The following KDM3A variants were observed in gnomAD, a reference collection of about 807,000 sequenced individuals.
The protein encoded by KDM3A is lysine demethylase 3A, also known as lysine-specific demethylase 3A.
A neutral mutation model predicts 158.0 loss-of-function variants in KDM3A; 60 were observed. The observed-to-expected ratio is 0.38, with a 90% CI of 0.31 to 0.47. The LOEUF (loss-of-function observed/expected upper bound fraction) is 0.47, where lower values mean the gene tolerates loss of function less well. Among genes scored for constraint, KDM3A ranks in the 20% least tolerant of loss-of-function variants. The pLI, the probability that KDM3A is intolerant of heterozygous loss-of-function variation, is 0.99. For synonymous variants in KDM3A, 608 were observed against 549.3 expected (o/e 1.11, Z -1.49); for missense variants, 1,319 against 1,574.3 (o/e 0.84, Z 2.74).
At chr2:86,489,296 T>G (rs1674340332) in intron 21 of KDM3A, 22 bp from the exon 22 acceptor site, 4 of 1,609,082 alleles carry the variant, frequency 2.5e-6, no homozygotes, top group Non-Finnish European at 3.4e-6. Flanking sequence ...TTTGTAAAAC[T>G]TAAGGCACTT....
rs772698470 is a variant in KDM3A, at chr2:86,485,716, T to G, written c.3183-13T>G. On this transcript the variant is annotated splice_polypyrimidine_tract_variant and intron_variant, in intron 20 of 25. Coordinates refer to ENST00000312912, the MANE Select transcript of KDM3A (RefSeq NM_018433.6). ...CAATCTAACTTTGCAAATTCCTGGTTCTGTTGTTCTAGGTTTGATGATCTG... is the reference window on the plus strand; with the variant it reads ...CAATCTAACTTTGCAAATTCCTGGTGCTGTTGTTCTAGGTTTGATGATCTG... 3 of 1,611,532 alleles carry G rather than the reference T, an allele frequency of 1.9e-6. No homozygotes were observed. Among genetic ancestry groups the G allele is most frequent in the Admixed American group, 3.3e-5 (2 of 59,924 alleles).
chr2:86,441,915 TCCTCG>T (rs1322824537), intron 1 of KDM3A, 98 bp from the exon 2 acceptor site: 1 of 888,294 alleles, frequency 1.1e-6, no homozygotes, highest in African/African-American at 1.8e-5. Flanking sequence ...CGGGGCCGCG[TCCTCG>T]CGCGGGTTCG....
At chr2:86,438,537 A>G (rs1004565926), upstream of KDM3A, among the ~76,000 whole-genome samples, 3 of 152,070 alleles carry the variant, frequency 2.0e-5, no homozygotes, top group African/African-American at 7.2e-5. Flanking sequence ...GAGGGAATGC[A>G]TATGTAAAAT....
chr2:86,480,435 G>C, intron 16 of KDM3A, 73 bp downstream of exon 16: 1 of 1,302,494 alleles, frequency 7.7e-7, no homozygotes, highest in Non-Finnish European at 1.1e-6. Flanking sequence ...AGAGAACAGT[G>C]GTTAGAAGTC....
chr2:86,453,177 G>A (rs536338665), intron 4 of KDM3A, among the ~76,000 whole-genome samples: 1 of 152,268 alleles, frequency 6.6e-6, no homozygotes, highest in South Asian at 2.1e-4. Context: ...GGGAAGAGGG[G>A]CTGTGGGGCT....
chr2:86,474,678 A>AAG, intron 11 of KDM3A, 98 bp from the exon 12 acceptor site: 1 of 704,754 alleles, frequency 1.4e-6, no homozygotes, highest in Non-Finnish European at 2.2e-6. Context: ...AAAAAAAAAA[A>AAG]GTAATTACAA....
intron 10 of KDM3A, among the ~76,000 whole-genome samples, chr2:86,469,224 T>G (rs1673291945): frequency 6.6e-6 from 1 of 152,106 alleles, no homozygotes; most frequent in Non-Finnish European, 1.5e-5. Context: ...GATGTTTACT[T>G]TATTTAAAAC....
chr2:86,454,900 C>T (rs1388410189), intron 4 of KDM3A, among the ~76,000 whole-genome samples, 185 bp from the exon 5 acceptor site: 2 of 152,154 alleles, frequency 1.3e-5, no homozygotes, highest in Non-Finnish European at 2.9e-5. Flanking sequence ...TAGCTGTGAT[C>T]ATTTGATGGT....
intron 17 of KDM3A, among the ~76,000 whole-genome samples, 155 bp from the exon 18 acceptor site, chr2:86,482,301 CTA>C (rs1476203556): frequency 6.6e-6 from 1 of 152,132 alleles, no homozygotes; most frequent in Non-Finnish European, 1.5e-5. Context: ...TACCTCACTT[CTA>C]TGAGTTGTCA....
At chr2:86,453,532 T>C (rs545487199) in intron 4 of KDM3A, among the ~76,000 whole-genome samples, 4 of 152,330 alleles carry the variant, frequency 2.6e-5, no homozygotes, top group South Asian at 2.1e-4. Flanking sequence ...TCTTGCACTT[T>C]CGTTAAGCCC....
chr2:86,490,697 G>A lies in KDM3A; in HGVS notation c.3574-184G>A, dbSNP rs981937869. The A allele has an allele frequency of 7.3e-5, 38 of 519,452 alleles. No homozygotes were observed. In the East Asian group the frequency reaches 9.8e-4, roughly 13 times the overall value. The allele number at this position is 519,452 out of a possible 1,614,324, so 32.2% of individuals were successfully genotyped here. ...TGGGAACTGACATCACATTTTCTTCGTCATTCTTCTGTTGGTTCATTCAGC... is the reference window on the plus strand; with the variant it reads ...TGGGAACTGACATCACATTTTCTTCATCATTCTTCTGTTGGTTCATTCAGC... On this transcript the variant is annotated intron_variant, in intron 23 of 25. Transcript: ENST00000312912.
intron 23 of KDM3A, chr2:86,489,943 C>T (rs1033780848): frequency 6.6e-5 from 19 of 289,974 alleles, no homozygotes; most frequent in Non-Finnish European, 1.1e-4. Flanking sequence ...GAAGTTAGTT[C>T]ATCTGATCAT....
In KDM3A at chr2:86,455,116, A is replaced by G. The variant is rs776807992; in HGVS notation, c.485A>G (p.Asp162Gly). 13 of 1,600,964 alleles carry G rather than the reference A, an allele frequency of 8.1e-6. No individual in the cohort carries two copies. In the East Asian group the frequency reaches 1.3e-4, roughly 17 times the overall value. ...DVNSLRLSLT[D>G]NQIVSKEFQA... Reference sequence around the variant, plus strand: ...AACAGTCTTCGACTTTCTCTTACGGATAATCAGATTGTCAGTAAAGAATTT... The same window carrying G: ...AACAGTCTTCGACTTTCTCTTACGGGTAATCAGATTGTCAGTAAAGAATTT... Residue 162 changes from aspartate to glycine, a missense_variant, in exon 5 of 26, where the codon GAT (aspartate) becomes GGT (glycine). Transcript: ENST00000312912.
At chr2:86,452,205 T>TC (rs1672500713) in intron 4 of KDM3A, among the ~76,000 whole-genome samples, 1 of 151,878 alleles carries the variant, frequency 6.6e-6, no homozygotes, top group South Asian at 2.1e-4. Context: ...CTTTTTTTTT[T>TC]TTTTTGGTGA....
chr2:86,442,219 A>C lies in KDM3A; in HGVS notation c.172A>C (p.Lys58Gln). 6.2e-7 allele frequency: 1 copy of C among 1,610,382 alleles called. No homozygotes were observed. Among genetic ancestry groups the C allele is most frequent in the East Asian group, 2.3e-5 (1 of 44,372 alleles). ...AGCTGTTTCCCACACCGACGTTACC[A>C]AGAAGGATCTGAAGGTACAGGCGGC... Reference protein sequence around the residue: ...IRAVSHTDVTKKDLKVCVEFD... With the variant: ...IRAVSHTDVTQKDLKVCVEFD... Residue 58 changes from lysine to glutamine, a missense_variant, in exon 2 of 26, where the codon AAG (lysine) becomes CAG (glutamine). This residue lies in a region of KDM3A where 652 missense variants were observed against 627.2 expected (regional missense o/e 1.04). Transcript: ENST00000312912.
In KDM3A at chr2:86,466,609, G is replaced by A; in HGVS notation, c.1245G>A (p.Lys415=). Reference sequence around the variant, plus strand: ...CACAAGCATTGACTGGCCTTCCTAAGGAGTGCTTACCTACAAAGGCTTCTT... The same window carrying A: ...CACAAGCATTGACTGGCCTTCCTAAAGAGTGCTTACCTACAAAGGCTTCTT... ...SVPQALTGLP[K]ECLPTKASSK... Residue 415 remains lysine (K), a synonymous_variant, in exon 10 of 26, where the codon AAG becomes AAA. Transcript: ENST00000312912. 6.2e-7 allele frequency: 1 copy of A among 1,613,930 alleles called. No individual in the cohort carries two copies.
chr2:86,463,872 C>T (rs1673024307), intron 8 of KDM3A, among the ~76,000 whole-genome samples, 181 bp from the exon 9 acceptor site: 4 of 152,232 alleles, frequency 2.6e-5, no homozygotes, highest in South Asian at 4.1e-4. Context: ...GGAGTGATTA[C>T]TTACAGTCTT....
chr2:86,442,189 A>C lies in KDM3A; in HGVS notation c.142A>C (p.Ile48Leu). 7 of 1,613,376 alleles carry C rather than the reference A, an allele frequency of 4.3e-6. No homozygotes were observed. Among genetic ancestry groups the C allele is most frequent in the Non-Finnish European group, 5.9e-6 (7 of 1,179,634 alleles). The change falls in exon 2 of 26, where the codon ATT (isoleucine) becomes CTT (leucine). Residue 48 changes from isoleucine (I) to leucine (L), a missense_variant. Physicochemically the swap from Ile to Leu is conservative, Grantham distance 5. This residue lies in a region of KDM3A where 652 missense variants were observed against 627.2 expected (regional missense o/e 1.04). Coordinates refer to ENST00000312912, the MANE Select transcript of KDM3A (RefSeq NM_018433.6). ...VAEWPWLSGT[I>L]RAVSHTDVTK... The stretch of plus-strand genomic sequence containing the variant: ...CGAGTGGCCCTGGCTCTCCGGGACC[A>C]TTCGAGCTGTTTCCCACACCGACGT...
At chr2:86,456,695 A>G (rs1672714417) in intron 6 of KDM3A, 110 bp from the exon 7 acceptor site, 1 of 1,287,716 alleles carries the variant, frequency 7.8e-7, no homozygotes, top group Non-Finnish European at 1.1e-6. Flanking sequence ...AGTTGTTTTA[A>G]AAAGAAATTA....
Sources: allele counts gnomAD v4.1 joint callset (sites outside exome capture counted in the v4.1 genomes callset), GRCh38; gene constraint gnomAD v4.1.1; regional missense constraint gnomAD v4.1.1; transcripts MANE v1.5; gene names NCBI Gene and HGNC (gene_info 2026-07-23, HGNC 2026-07-21).